Variants in ATXN7L1 observed in about 807,000 individuals in gnomAD.
ATXN7L1 encodes ataxin 7 like 1, also known as ataxin-7-like protein 1.
Under a neutral mutation model 70.8 loss-of-function variants are expected in ATXN7L1, and 15 were observed. That is an observed-to-expected ratio of 0.21 (90% CI 0.14 to 0.33). ATXN7L1 has a LOEUF of 0.33. Ranked by LOEUF, ATXN7L1 falls within the 10% of genes least tolerant of loss-of-function variation. The pLI is 1.00. For missense variants in ATXN7L1, 975 were observed against 1,097.1 expected (o/e 0.89, Z 1.57); for synonymous variants, 440 against 445.1 (o/e 0.99, Z 0.14).
chr7:105,794,297 C>T (rs1277290194), intron 2 of ATXN7L1, among the ~76,000 whole-genome samples: 1 of 152,164 alleles, frequency 6.6e-6, no homozygotes, highest in Admixed American at 6.5e-5. Context: ...GAAACTGAAT[C>T]ATTAATGCCA....
intron 3 of ATXN7L1, among the ~76,000 whole-genome samples, chr7:105,770,302 T>TA (rs1426458959): frequency 6.6e-6 from 1 of 152,214 alleles, no homozygotes; most frequent in East Asian, 1.9e-4. Flanking sequence ...CTCAGCGCTG[T>TA]AAATTACAGT....
chr7:105,731,986 G>A (rs1796628103), intron 3 of ATXN7L1, among the ~76,000 whole-genome samples: 1 of 151,914 alleles, frequency 6.6e-6, no homozygotes. Context: ...CCAGCTTTTC[G>A]GGAGGCTGAG....
At chr7:105,770,441 G>A (rs1389006753) in intron 3 of ATXN7L1, among the ~76,000 whole-genome samples, 2 of 152,164 alleles carry the variant, frequency 1.3e-5, no homozygotes, top group Non-Finnish European at 2.9e-5. Flanking sequence ...TCTATTAAAA[G>A]CTTGTCTTAA....
chr7:105,694,238 G>A (rs977575013), intron 3 of ATXN7L1, among the ~76,000 whole-genome samples: 1 of 151,956 alleles, frequency 6.6e-6, no homozygotes, highest in African/African-American at 2.4e-5. Context: ...AGTAGAGATG[G>A]TTTCACCATG....
chr7:105,644,015 C>T (rs1798638397), intron 4 of ATXN7L1, among the ~76,000 whole-genome samples: 1 of 152,208 alleles, frequency 6.6e-6, no homozygotes, highest in South Asian at 2.1e-4. Context: ...GCTAGATTCC[C>T]TTTCCTCCTG....
intron 3 of ATXN7L1, among the ~76,000 whole-genome samples, chr7:105,782,613 C>T (rs566565725): frequency 2.0e-5 from 3 of 152,272 alleles, no homozygotes; most frequent in East Asian, 1.9e-4. Flanking sequence ...CAGCCCTGGG[C>T]GGGGGGCTCC....
intron 3 of ATXN7L1, among the ~76,000 whole-genome samples, chr7:105,669,380 G>A (rs1408878349): frequency 6.6e-6 from 1 of 152,168 alleles, no homozygotes; most frequent in Non-Finnish European, 1.5e-5. Context: ...TTTAGATTCA[G>A]AAACTTGCCT....
intron 3 of ATXN7L1, among the ~76,000 whole-genome samples, chr7:105,705,006 AT>A (rs1421715890): frequency 3.3e-5 from 5 of 151,272 alleles, no homozygotes; most frequent in Non-Finnish European, 7.4e-5. Flanking sequence ...TGTAGAGATT[AT>A]TTTTTATTTT....
At chr7:105,861,142 A>AG (rs1322065571) in intron 2 of ATXN7L1, among the ~76,000 whole-genome samples, 16 of 152,208 alleles carry the variant, frequency 1.1e-4, no homozygotes, top group Non-Finnish European at 2.4e-4. Context: ...GAGGCAGAGA[A>AG]GGGGGCAGGG....
chr7:105,685,266 C>A (rs576701846), intron 3 of ATXN7L1, among the ~76,000 whole-genome samples: 53 of 152,026 alleles, frequency 3.5e-4, no homozygotes, highest in Non-Finnish European at 6.3e-4. Flanking sequence ...AGCGCTATAG[C>A]GAAGAGTCAA....
intron 4 of ATXN7L1, among the ~76,000 whole-genome samples, chr7:105,659,131 C>T (rs521297): frequency 0.093 from 13,775 of 148,324 alleles, 782 homozygotes; most frequent in East Asian, 0.23. Flanking sequence ...AGCAGGACTC[C>T]GACTCAAAAA....
chr7:105,876,269 G>T, intron 1 of ATXN7L1, 109 bp downstream of exon 1: 1 of 1,323,498 alleles, frequency 7.6e-7, no homozygotes, highest in Non-Finnish European at 1.0e-6. Flanking sequence ...AAGCATGGAG[G>T]ACACCGGGGG....
chr7:105,831,141 A>G (rs1019544419), intron 2 of ATXN7L1, among the ~76,000 whole-genome samples: 1 of 152,198 alleles, frequency 6.6e-6, no homozygotes, highest in African/African-American at 2.4e-5. Context: ...GAGCAAAAGT[A>G]AGTTGTGCAG....
At chr7:105,867,371 GC>G (rs1817638648) in intron 2 of ATXN7L1, among the ~76,000 whole-genome samples, 1 of 152,158 alleles carries the variant, frequency 6.6e-6, no homozygotes, top group Non-Finnish European at 1.5e-5. Flanking sequence ...CTTCACCAAT[GC>G]GATGTGGTAC....
At chr7:105,650,743 T>C (rs538489877) in intron 4 of ATXN7L1, among the ~76,000 whole-genome samples, 103 of 152,302 alleles carry the variant, frequency 6.8e-4, no homozygotes, top group African/African-American at 2.4e-3. Flanking sequence ...TAAGAGATGA[T>C]TAGCTGCTGA....
At chr7:105,851,128 C>T (rs1205049848) in intron 2 of ATXN7L1, among the ~76,000 whole-genome samples, 1 of 152,150 alleles carries the variant, frequency 6.6e-6, no homozygotes, top group African/African-American at 2.4e-5. Flanking sequence ...CCTGCCCTCT[C>T]CTCCAGGCAA....
chr7:105,856,350 C>G (rs1465696951), intron 2 of ATXN7L1, among the ~76,000 whole-genome samples: 1 of 152,178 alleles, frequency 6.6e-6, no homozygotes, highest in African/African-American at 2.4e-5. Context: ...CTTTGGGAGG[C>G]TGAGGCGGGT....
chr7:105,819,480 G>T, intron 2 of ATXN7L1: 1 of 801,632 alleles, frequency 1.2e-6, no homozygotes, highest in South Asian at 1.3e-5. Context: ...CTTTCCCAGG[G>T]GGCTGCTGAA....
At chr7:105,747,033 T>C (rs1360658762) in intron 3 of ATXN7L1, among the ~76,000 whole-genome samples, 2 of 152,244 alleles carry the variant, frequency 1.3e-5, no homozygotes, top group African/African-American at 2.4e-5. Flanking sequence ...CCTGTGATAT[T>C]GTGAACTATA....
Sources: gnomAD v4.1 joint callset for allele counts (sites outside exome capture counted in the v4.1 genomes callset) on GRCh38, gnomAD v4.1.1 for gene constraint, MANE v1.5 for transcripts, NCBI Gene and HGNC (gene_info 2026-07-23, HGNC 2026-07-21) for gene names.